Variants in HS3ST4 observed in about 807,000 individuals in gnomAD.
HS3ST4 encodes the protein heparan sulfate glucosamine 3-O-sulfotransferase 4.
HS3ST4 carries 17 observed loss-of-function variants against 29.2 expected under a neutral mutation model. The observed-to-expected ratio is 0.58, with a 90% CI of 0.40 to 0.87. The LOEUF (loss-of-function observed/expected upper bound fraction) is 0.87, where lower values mean the gene tolerates loss of function less well. HS3ST4 is among the 40% of genes least tolerant of loss of function. HS3ST4 has a pLI of 0.00. For synonymous variants in HS3ST4, 314 were observed against 285.7 expected (o/e 1.10, Z -1.00); for missense variants, 627 against 634.5 (o/e 0.99, Z 0.13).
chr16:26,000,968 G>C (rs2141733652), intron 1 of HS3ST4, among the ~76,000 whole-genome samples: 1 of 152,234 alleles, frequency 6.6e-6, no homozygotes, highest in East Asian at 1.9e-4. Flanking sequence ...GATAAAGAAA[G>C]ATTGTGGAAA....
At chr16:25,907,398 G>A (rs140120416) in intron 1 of HS3ST4, among the ~76,000 whole-genome samples, 2,638 of 152,168 alleles carry the variant, frequency 0.017, 39 homozygotes, top group South Asian at 0.038. Context: ...GGTGTTGGAC[G>A]TGTTACCTTT....
At chr16:25,720,806 G>A (rs1966487661) in intron 1 of HS3ST4, among the ~76,000 whole-genome samples, 1 of 152,174 alleles carries the variant, frequency 6.6e-6, no homozygotes, top group Admixed American at 6.5e-5. Context: ...TAATGAAGAG[G>A]AGTAGTTTTA....
At chr16:26,135,515 C>A in intron 1 of HS3ST4, 97 bp from the exon 2 acceptor site, 1 of 1,211,314 alleles carries the variant, frequency 8.3e-7, no homozygotes, top group Non-Finnish European at 1.1e-6. Context: ...TTTGGTGGTT[C>A]CAAACTAGGT....
intron 1 of HS3ST4, among the ~76,000 whole-genome samples, chr16:25,858,442 G>A (rs767266654): frequency 6.6e-5 from 10 of 152,114 alleles, no homozygotes; most frequent in African/African-American, 9.7e-5. Context: ...ATTTTCTGTG[G>A]TAGGGCATTC....
At chr16:25,899,646 C>T (rs1178959475) in intron 1 of HS3ST4, among the ~76,000 whole-genome samples, 1 of 151,588 alleles carries the variant, frequency 6.6e-6, no homozygotes, top group Non-Finnish European at 1.5e-5. Context: ...GCTGGGATTA[C>T]AGGCGCATGC....
At position 25,912,861 on chromosome 16, in the gene HS3ST4, T is replaced by C. The variant is rs555593275; in HGVS notation, c.734+219710T>C. ...AGATAATTCATCTGTTTAGCCATAA[T>C]ACATTGGGTATCTGCTATGTGTCAG... On this transcript the variant is annotated intron_variant, in intron 1 of 1. Coordinates refer to ENST00000331351, the MANE Select transcript of HS3ST4 (RefSeq NM_006040.3). Among the ~76,000 whole-genome samples, 6 of 152,338 alleles carry C rather than the reference T, an allele frequency of 3.9e-5. No homozygotes were observed. In the South Asian group the frequency reaches 6.2e-4, roughly 16 times the overall value.
chr16:26,060,990 C>T (rs1898467372), intron 1 of HS3ST4, among the ~76,000 whole-genome samples: 1 of 152,130 alleles, frequency 6.6e-6, no homozygotes, highest in South Asian at 2.1e-4. Context: ...AAGACAAATG[C>T]TGTCTTGATC....
chr16:25,840,345 C>T lies in HS3ST4; in HGVS notation c.734+147194C>T, dbSNP rs558662349. On this transcript the variant is annotated intron_variant, in intron 1 of 1. Coordinates refer to ENST00000331351, the MANE Select transcript of HS3ST4 (RefSeq NM_006040.3). ...TAGGATTCCTTTGAGCATTTTGAGACGCAACTACTACAATCCAGAAACCCA... is the reference window on the plus strand; with the variant it reads ...TAGGATTCCTTTGAGCATTTTGAGATGCAACTACTACAATCCAGAAACCCA... 2.3e-4 allele frequency among the ~76,000 whole-genome samples: 35 copies of T among 152,314 alleles called. 1 individual carries two copies. Among genetic ancestry groups the T allele is most frequent in the Admixed American group, 1.5e-3 (23 of 15,310 alleles).
At chr16:26,011,718 G>C in intron 1 of HS3ST4, among the ~76,000 whole-genome samples, 1 of 99,208 alleles carries the variant, frequency 1.0e-5, no homozygotes, top group Non-Finnish European at 2.0e-5. Context: ...GAGAGACAGA[G>C]AGAGGTGTGT....
chr16:25,746,142 A>C (rs1266704182), intron 1 of HS3ST4, among the ~76,000 whole-genome samples: 4 of 152,202 alleles, frequency 2.6e-5, no homozygotes, highest in African/African-American at 9.7e-5. Context: ...TGAGCTTCTG[A>C]AGGTCAGCAC....
chr16:26,053,768 C>T (rs1017000658), intron 1 of HS3ST4, among the ~76,000 whole-genome samples: 2 of 152,092 alleles, frequency 1.3e-5, no homozygotes, highest in Non-Finnish European at 2.9e-5. Context: ...TTTTCTTATT[C>T]GTTACTTGTA....
intron 1 of HS3ST4, among the ~76,000 whole-genome samples, chr16:25,940,660 G>T (rs1408379932): frequency 2.6e-5 from 4 of 152,202 alleles, no homozygotes; most frequent in African/African-American, 2.4e-5. Context: ...AGATTTGCAA[G>T]AACTATGCAC....
intron 1 of HS3ST4, among the ~76,000 whole-genome samples, chr16:25,913,610 T>A (rs912985236): frequency 1.3e-5 from 2 of 152,212 alleles, no homozygotes; most frequent in African/African-American, 4.8e-5. Flanking sequence ...GAAGGTGACA[T>A]GTTAACTCTT....
intron 1 of HS3ST4, among the ~76,000 whole-genome samples, chr16:26,033,532 GAAAACAAAAC>G (rs545408446): frequency 4.3e-4 from 64 of 147,268 alleles, no homozygotes; most frequent in Admixed American, 1.1e-3. Context: ...AAAAAAAAAG[GAAAACAAAAC>G]AAAACAAAAC....
chr16:25,727,770 C>T (rs1208769204), intron 1 of HS3ST4, among the ~76,000 whole-genome samples: 2 of 152,132 alleles, frequency 1.3e-5, no homozygotes, highest in Non-Finnish European at 2.9e-5. Context: ...CACCTCATGA[C>T]TAGAATTATG....
At chr16:25,896,796 A>C (rs1968071252) in intron 1 of HS3ST4, among the ~76,000 whole-genome samples, 2 of 152,228 alleles carry the variant, frequency 1.3e-5, no homozygotes, top group Non-Finnish European at 2.9e-5. Context: ...GTACATATAC[A>C]CCATAGAATA....
In HS3ST4 at chr16:26,136,818, T is replaced by C; in HGVS notation, c.*570T>C. 6.5e-6 allele frequency: 1 copy of C among 154,216 alleles called. No individual in the cohort carries two copies. Among genetic ancestry groups the C allele is most frequent in the Non-Finnish European group, 1.4e-5 (1 of 69,574 alleles). 9.6% of individuals were successfully genotyped at this position (154,216 alleles called of 1,614,324 possible). A position where few individuals can be genotyped will look rare whatever the true frequency, so the allele number is the denominator to read the frequency against. Reference sequence around the variant, plus strand: ...ATCCCACAACCCCTGACTTCCTCCCTCCCCACATCATGAAGGCAGAGGCAT... The same window carrying C: ...ATCCCACAACCCCTGACTTCCTCCCCCCCCACATCATGAAGGCAGAGGCAT... On this transcript the variant is annotated 3_prime_UTR_variant, in exon 2 of 2. Transcript: ENST00000331351.
intron 1 of HS3ST4, among the ~76,000 whole-genome samples, chr16:25,790,281 G>A (rs1966865974): frequency 6.6e-6 from 1 of 152,064 alleles, no homozygotes. Flanking sequence ...GTGATGGCAG[G>A]TGCCTGTAAT....
chr16:25,860,701 C>T (rs574816488), intron 1 of HS3ST4, among the ~76,000 whole-genome samples: 4 of 152,138 alleles, frequency 2.6e-5, no homozygotes, highest in Admixed American at 2.6e-4. Flanking sequence ...TCAGTGGTGG[C>T]CAAGGTCTGG....
Sources: allele counts gnomAD v4.1 joint callset (sites outside exome capture counted in the v4.1 genomes callset), GRCh38; gene constraint gnomAD v4.1.1; transcripts MANE v1.5; gene names NCBI Gene and HGNC (gene_info 2026-07-23, HGNC 2026-07-21).